RPN2: variants seen among roughly 807,000 people sequenced by gnomAD.
RPN2 encodes the protein ribophorin II.
In RPN2, 29 loss-of-function variants were observed where a neutral mutation model predicts 71.4. That is an observed-to-expected ratio of 0.41 (90% CI 0.30 to 0.55). RPN2 has a LOEUF of 0.55. Among genes scored for constraint, RPN2 ranks in the 20% least tolerant of loss-of-function variants. The probability of loss-of-function intolerance (pLI) is 0.35; values close to 1 mark genes in which losing one functional copy is unlikely to be tolerated. For synonymous variants in RPN2, 308 were observed against 305.0 expected, an observed-to-expected ratio of 1.01 and a Z score of -0.10; for missense variants, 726 against 774.1, an observed-to-expected ratio of 0.94 and a Z score of 0.74.
chr20:37,181,072 G>C (rs1402283435), intron 1 of RPN2, among the ~76,000 whole-genome samples: 1 of 151,936 alleles, frequency 6.6e-6, no homozygotes, highest in Non-Finnish European at 1.5e-5. Flanking sequence ...CTACTAAAAA[G>C]ACAAAAATTA....
rs1375417636 is a variant in RPN2, at chr20:37,236,626, C to A, written c.1800C>A (p.Phe600Leu). Residue 600 changes from phenylalanine (F) to leucine (L), a missense_variant, in exon 16 of 17, where the codon TTC becomes TTA. Coordinates refer to ENST00000237530, the MANE Select transcript of RPN2 (RefSeq NM_002951.5). ...TCTACTGGACTCAGCTCAACATGTT[C>A]CAGACCTTGAAGTACCTGGCCATCC... ...MYVYWTQLNM[F>L]QTLKYLAILG... 6.2e-7 allele frequency: 1 copy of A among 1,613,932 alleles called. No individual in the cohort carries two copies. Among genetic ancestry groups the A allele is most frequent in the Admixed American group, 1.7e-5 (1 of 60,006 alleles).
chr20:37,213,777 A>C lies in RPN2; in HGVS notation c.1004A>C (p.Asn335Thr). The C allele has an allele frequency of 6.2e-7, 1 of 1,613,954 alleles. No homozygotes were observed. The highest frequency in any genetic ancestry group is 8.5e-7 in the Non-Finnish European group (1 of 1,179,842). Residue 335 changes from asparagine (N) to threonine (T), a missense_variant, in exon 9 of 17, where the codon AAT (asparagine) becomes ACT (threonine). Physicochemically the swap from Asn to Thr is moderately conservative, Grantham distance 65. Transcript: ENST00000237530. ...CTTAACAGGGATGTTTTTGAACTAA[A>C]TTTCATGAACGTCAAATTTTCCAGT... ...FTPVGDVFELNFMNVKFSSGY... is the reference protein window; with the variant it reads ...FTPVGDVFELTFMNVKFSSGY...
At chr20:37,201,376 T>C (rs2179442) in intron 4 of RPN2, among the ~76,000 whole-genome samples, 114,736 of 149,352 alleles carry the variant, frequency 0.77, 44,555 homozygotes, top group Middle Eastern at 0.89. Context: ...CCTCAAACTC[T>C]TGGGCGTGAG....
At position 37,238,466 on chromosome 20, in the gene RPN2, G is replaced by A. The variant is rs1276503222; in HGVS notation, c.1883+1757G>A. 1.1e-5 allele frequency: 18 copies of A among 1,586,112 alleles called. No individual in the cohort carries two copies. In the South Asian group the frequency reaches 1.8e-4, roughly 16 times the overall value. On this transcript the variant is annotated intron_variant, in intron 16 of 16. Coordinates refer to ENST00000237530, the MANE Select transcript of RPN2 (RefSeq NM_002951.5). Reference sequence around the variant, plus strand: ...GACACTACGGTAAAGATGAAGGGCGGACTCATCCCAGAAGCAGGGTCCCTT... The same window carrying A: ...GACACTACGGTAAAGATGAAGGGCGAACTCATCCCAGAAGCAGGGTCCCTT...
intron 11 of RPN2, 45 bp downstream of exon 11, chr20:37,225,847 G>A (rs2068062746): frequency 8.0e-7 from 1 of 1,248,186 alleles, no homozygotes; most frequent in East Asian, 2.3e-5. Flanking sequence ...AAATGTGAAT[G>A]GATACTAGAG....
At chr20:37,234,249 A>ACGAAGATAAACCTGT (rs1322503291) in intron 15 of RPN2, among the ~76,000 whole-genome samples, 154 bp downstream of exon 15, 1 of 152,232 alleles carries the variant, frequency 6.6e-6, no homozygotes, top group Non-Finnish European at 1.5e-5. Flanking sequence ...GACAGTTAAT[A>ACGAAGATAAACCTGT]CGAAGATAAA....
At chr20:37,203,425 G>A (rs1223643472) in intron 4 of RPN2, among the ~76,000 whole-genome samples, 9 of 148,584 alleles carry the variant, frequency 6.1e-5, no homozygotes, top group Non-Finnish European at 1.0e-4. Flanking sequence ...CTGGAGTGCA[G>A]TGGCTCACTG....
At chr20:37,217,330 G>A (rs976604000) in intron 9 of RPN2, among the ~76,000 whole-genome samples, 3 of 150,042 alleles carry the variant, frequency 2.0e-5, no homozygotes, top group African/African-American at 7.4e-5. Flanking sequence ...GTCTCGCTCT[G>A]TCACCAGGCT....
At chr20:37,189,242 T>C (rs1186650604) in intron 2 of RPN2, among the ~76,000 whole-genome samples, 1 of 152,096 alleles carries the variant, frequency 6.6e-6, no homozygotes, top group African/African-American at 2.4e-5. Flanking sequence ...GCAATTGATA[T>C]CTTTCAATCC....
At chr20:37,218,561 A>C (rs1458084509) in intron 9 of RPN2, among the ~76,000 whole-genome samples, 10 of 152,120 alleles carry the variant, frequency 6.6e-5, no homozygotes, top group African/African-American at 1.4e-4. Flanking sequence ...AAAAAACAAA[A>C]AAAACAAAAC....
At position 37,232,348 on chromosome 20, in the gene RPN2, T is replaced by G; in HGVS notation, c.1634T>G (p.Phe545Cys). The G allele has an allele frequency of 6.2e-7, 1 of 1,614,200 alleles. No individual in the cohort carries two copies. The highest frequency in any genetic ancestry group is 1.7e-5 in the Admixed American group (1 of 60,036). ...CCCCCCACCGTGGTGTCCAATACATTCACTGCCCTGATCCTCTCGCCGTTG... is the reference window on the plus strand; with the variant it reads ...CCCCCCACCGTGGTGTCCAATACATGCACTGCCCTGATCCTCTCGCCGTTG... ...KRPPTVVSNT[F>C]TALILSPLLL... The change falls in exon 14 of 17, where the codon TTC becomes TGC. Residue 545 changes from phenylalanine (F) to cysteine (C), a missense_variant. Coordinates refer to ENST00000237530, the MANE Select transcript of RPN2 (RefSeq NM_002951.5).
Position 37,228,600 on chromosome 20 carries a change from T to TG in RPN2, c.1351dup (p.Ala451GlyfsTer12). 1 of 1,614,256 alleles carries TG rather than the reference T, an allele frequency of 6.2e-7. No individual in the cohort carries two copies. On this transcript the variant is annotated frameshift_variant, in exon 12 of 17. Transcript: ENST00000237530. LOFTEE classifies it high-confidence loss of function. ...AGACTGGCCAGGAAGTGGTGTTTGT[T>TG]GCCGAGCCAGACAACAAGAACGTGT...
intron 10 of RPN2, among the ~76,000 whole-genome samples, chr20:37,224,358 A>G (rs995817415): frequency 3.3e-5 from 5 of 152,200 alleles, no homozygotes; most frequent in Admixed American, 3.3e-4. Context: ...TTCTGGTGCG[A>G]TCTCCTTATC....
chr20:37,207,292 T>A lies in RPN2; in HGVS notation c.710T>A (p.Met237Lys). 6.2e-7 allele frequency: 1 copy of A among 1,613,924 alleles called. No individual in the cohort carries two copies. The highest frequency in any genetic ancestry group is 8.5e-7 in the Non-Finnish European group (1 of 1,179,758). The stretch of plus-strand genomic sequence containing the variant: ...TTTCAGGATCAGGTCATCCAGCTGA[T>A]GAACGCGATCTTCAGCAAGAAGAAC... ...SIKEDQVIQL[M>K]NAIFSKKNFE... Residue 237 changes from methionine to lysine, a missense_variant, in exon 7 of 17, where the codon ATG becomes AAG. Coordinates refer to ENST00000237530, the MANE Select transcript of RPN2 (RefSeq NM_002951.5).
intron 12 of RPN2, among the ~76,000 whole-genome samples, chr20:37,229,677 G>C (rs2068184694): frequency 6.6e-6 from 1 of 152,152 alleles, no homozygotes; most frequent in African/African-American, 2.4e-5. Flanking sequence ...AGCTGTTTCT[G>C]ATTGCAACTG....
intron 16 of RPN2, among the ~76,000 whole-genome samples, chr20:37,239,188 G>A (rs987493790): frequency 2.0e-5 from 3 of 152,160 alleles, no homozygotes; most frequent in Admixed American, 1.3e-4. Flanking sequence ...GGCTTAACTG[G>A]CCATATGGTC....
Position 37,228,651 on chromosome 20 carries a change from A to G in RPN2, c.1401A>G (p.Glu467=), listed in dbSNP as rs2068146720. 1.2e-6 allele frequency: 2 copies of G among 1,614,162 alleles called. No individual in the cohort carries two copies. The highest frequency in any genetic ancestry group is 1.7e-6 in the Non-Finnish European group (2 of 1,180,012). ...NVYKFELDTS[E]RKIEFDSASG... Reference sequence around the variant, plus strand: ...ACAAGTTTGAACTGGATACCTCTGAAAGAAAGATTGAATTTGACTCTGCCT... The same window carrying G: ...ACAAGTTTGAACTGGATACCTCTGAGAGAAAGATTGAATTTGACTCTGCCT... Residue 467 remains glutamate (E), a synonymous_variant, in exon 12 of 17, where the codon GAA becomes GAG. Coordinates refer to ENST00000237530, the MANE Select transcript of RPN2 (RefSeq NM_002951.5).
chr20:37,193,102 T>C (rs943054400), intron 2 of RPN2, among the ~76,000 whole-genome samples: 5 of 152,178 alleles, frequency 3.3e-5, no homozygotes, highest in South Asian at 4.1e-4. Context: ...CACTCCAGCC[T>C]GTGTGAGAGG....
At chr20:37,205,614 G>T (rs2067494291) in intron 6 of RPN2, among the ~76,000 whole-genome samples, 1 of 152,068 alleles carries the variant, frequency 6.6e-6, no homozygotes, top group Non-Finnish European at 1.5e-5. Context: ...TATGAGTTTT[G>T]TGCCAAGTTT....
Sources: gnomAD v4.1 joint callset for allele counts (sites outside exome capture counted in the v4.1 genomes callset) on GRCh38, gnomAD v4.1.1 for gene constraint, MANE v1.5 for transcripts, NCBI Gene and HGNC (gene_info 2026-07-23, HGNC 2026-07-21) for gene names.